Variants in ASB11 observed in about 807,000 individuals in gnomAD.
ASB11 encodes ankyrin repeat and SOCS box containing 11, also known as ankyrin repeat and SOCS box protein 11.
Under a neutral mutation model 20.1 loss-of-function variants are expected in ASB11, and 17 were observed. The observed-to-expected ratio is 0.85, with a 90% CI of 0.58 to 1.27. ASB11 has a LOEUF of 1.27. Ranked by LOEUF, ASB11 falls within the 50% of genes most tolerant of loss-of-function variation. The pLI is 0.00. For missense variants in ASB11, 259 were observed against 256.9 expected (o/e 1.01, Z -0.06); for synonymous variants, 107 against 105.6 (o/e 1.01, Z -0.08).
chrX:15,308,995 C>A (rs1241936861), intron 1 of ASB11, among the ~76,000 whole-genome samples: 2 of 111,587 alleles, frequency 1.8e-5, no homozygotes, highest in Admixed American at 9.5e-5. Flanking sequence ...CAGCTTACTG[C>A]AACCTCTGCC....
intron 1 of ASB11, among the ~76,000 whole-genome samples, chrX:15,305,923 C>T (rs1386754714): frequency 3.6e-5 from 4 of 111,033 alleles, no homozygotes; most frequent in African/African-American, 1.3e-4. Context: ...TCTCACTCCT[C>T]CTACCCTCCA....
chrX:15,301,269 C>T, intron 2 of ASB11, among the ~76,000 whole-genome samples: 1 of 111,832 alleles, frequency 8.9e-6, no homozygotes. Context: ...GGCCAGTCCA[C>T]CTTTTTAAAT....
intron 2 of ASB11, among the ~76,000 whole-genome samples, chrX:15,300,075 T>A (rs1174720060): frequency 8.9e-6 from 1 of 112,717 alleles, no homozygotes; most frequent in African/African-American, 3.2e-5. Context: ...TAATAAGAGT[T>A]AGAAAAAGTC....
intron 3 of ASB11, 98 bp downstream of exon 3, chrX:15,297,476 T>C: frequency 1.4e-6 from 1 of 710,989 alleles, no homozygotes. Context: ...GCCCAGCCCT[T>C]ACCCACAGTG....
Position 15,287,822 on chromosome X carries a change from G to A in ASB11, c.847+59C>T, listed in dbSNP as rs188147009. 8.1e-6 allele frequency: 9 copies of A among 1,112,171 alleles called. No individual in the cohort carries two copies. The Admixed American group carries it at 1.4e-4, about 17-fold the overall frequency. 91.7% of individuals were successfully genotyped at this position (1,112,171 alleles called of 1,213,427 possible). On this transcript the variant is annotated intron_variant, in intron 6 of 6. Transcript: ENST00000480796. ...AAAAAGGAAAAAATGCTACAGATGA[G>A]ACAGGAAGGGGAGAGAATGTGCTTA...
chrX:15,311,630 C>T (rs1395919281), intron 1 of ASB11, among the ~76,000 whole-genome samples: 1 of 111,261 alleles, frequency 9.0e-6, no homozygotes, highest in African/African-American at 3.3e-5. Flanking sequence ...TAGAATAGGA[C>T]TGATCTTTTA....
At chrX:15,315,299 C>T in intron 1 of ASB11, 126 bp downstream of exon 1, 1 of 574,534 alleles carries the variant, frequency 1.7e-6, no homozygotes, top group Non-Finnish European at 2.4e-6. Flanking sequence ...CTTTAAGTGA[C>T]AATTTTTCAA....
At chrX:15,302,694 T>C (rs1427755860) in intron 2 of ASB11, 34 bp downstream of exon 2, 1 of 1,144,497 alleles carries the variant, frequency 8.7e-7, no homozygotes, top group East Asian at 3.0e-5. Context: ...AATTATAGCA[T>C]AAGCATGAAG....
Position 15,283,508 on chromosome X carries a change from T to C in ASB11, c.969A>G (p.Gln323=), listed in dbSNP as rs758089252. 4 of 1,208,608 alleles carry C rather than the reference T, an allele frequency of 3.3e-6. No individual in the cohort carries two copies. Among genetic ancestry groups the C allele is most frequent in the South Asian group, 1.8e-5 (1 of 56,669 alleles). The change falls in exon 7 of 7, where the codon CAA becomes CAG. Residue 323 remains glutamine, a synonymous_variant. Transcript: ENST00000480796. ...PEPLERFLLY[Q] ...ATCTTCCCAGGAACACTTAGGACTA[T>C]TGGTATAGGAGGAATCGTTCGAGTG...
rs752652002 is a variant in ASB11 at position 15,283,590 on chromosome X, C to T, written c.887G>A (p.Arg296Gln). Residue 296 changes from arginine (R) to glutamine (Q), a missense_variant, in exon 7 of 7, where the codon CGG (arginine) becomes CAG (glutamine). Coordinates refer to ENST00000480796, the MANE Select transcript of ASB11 (RefSeq NM_080873.3). Reference sequence around the variant, plus strand: ...ATGACATGCTCGACCGAGACACTTCCGGACACACAGGCGGCAGAGCTGGGA... The same window carrying T: ...ATGACATGCTCGACCGAGACACTTCTGGACACACAGGCGGCAGAGCTGGGA... ...ALSQLCRLCV[R>Q]KCLGRACHQA... 1.3e-5 allele frequency: 16 copies of T among 1,207,223 alleles called. No individual in the cohort carries two copies. Among genetic ancestry groups the T allele is most frequent in the East Asian group, 8.9e-5 (3 of 33,710 alleles).
chrX:15,304,622 G>A (rs1569172923), intron 1 of ASB11, among the ~76,000 whole-genome samples: 1 of 112,478 alleles, frequency 8.9e-6, no homozygotes, highest in Non-Finnish European at 1.9e-5. Flanking sequence ...GCTCACGCCT[G>A]TAATCCCAGC....
chrX:15,284,217 A>G (rs1308196440), intron 6 of ASB11, among the ~76,000 whole-genome samples: 15 of 100,355 alleles, frequency 1.5e-4, no homozygotes, highest in African/African-American at 4.9e-4. Flanking sequence ...GGGCCACTGC[A>G]CTCCAGCCTG....
chrX:15,298,797 A>C (rs1159512669), intron 2 of ASB11, among the ~76,000 whole-genome samples: 1 of 111,921 alleles, frequency 8.9e-6, no homozygotes, highest in Non-Finnish European at 1.9e-5. Flanking sequence ...CAGGCTTAAG[A>C]GTAAGTAGAC....
chrX:15,299,002 C>T (rs1025668028), intron 2 of ASB11, among the ~76,000 whole-genome samples: 1 of 111,765 alleles, frequency 8.9e-6, no homozygotes. Flanking sequence ...TGTCCCCTTC[C>T]TTGTCCTGGA....
At chrX:15,303,359 CA>C (rs1291408497) in intron 1 of ASB11, among the ~76,000 whole-genome samples, 1 of 111,404 alleles carries the variant, frequency 9.0e-6, no homozygotes, top group African/African-American at 3.3e-5. Flanking sequence ...ATAAAAATCA[CA>C]AAAAAATCTC....
In ASB11 at chrX:15,315,504, G is replaced by T. The variant is rs142097387; in HGVS notation, c.102C>A (p.Leu34=). ...CTTTGACGATATAGAAATGGGTTAGGAGAGCCAAAAAAACTTTAATTAAAA... is the reference window on the plus strand; with the variant it reads ...CTTTGACGATATAGAAATGGGTTAGTAGAGCCAAAAAAACTTTAATTAAAA... ...FKLLIKVFLA[L]LTHFYIVKGN... is the part of the protein sequence containing the mutation. Residue 34 remains leucine, a synonymous_variant, in exon 1 of 7, where the codon CTC becomes CTA. Transcript: ENST00000480796. The T allele has an allele frequency of 3.0e-3, 3,556 of 1,191,289 alleles. 20 individuals carry two copies. The highest frequency in any genetic ancestry group is 2.5e-3 in the Non-Finnish European group (2,211 of 887,380).
At chrX:15,296,279 AC>A (rs1358177621) in intron 3 of ASB11, among the ~76,000 whole-genome samples, 49 of 110,191 alleles carry the variant, frequency 4.4e-4, no homozygotes, top group African/African-American at 1.6e-3. Flanking sequence ...AAAAAAAAAA[AC>A]AAAAAAAGAA....
intron 5 of ASB11, 79 bp downstream of exon 5, chrX:15,289,425 G>C: frequency 9.8e-7 from 1 of 1,018,274 alleles, no homozygotes; most frequent in Non-Finnish European, 1.3e-6. Context: ...TTTCAACCAT[G>C]ACAAGAACTT....
intron 6 of ASB11, among the ~76,000 whole-genome samples, chrX:15,286,355 C>G (rs935195508): frequency 1.8e-5 from 2 of 110,163 alleles, no homozygotes; most frequent in African/African-American, 6.6e-5. Flanking sequence ...AGGGTTGGGG[C>G]CTTATGACAT....
Sources: allele counts gnomAD v4.1 joint callset (sites outside exome capture counted in the v4.1 genomes callset), GRCh38; gene constraint gnomAD v4.1.1; transcripts MANE v1.5; gene names NCBI Gene and HGNC (gene_info 2026-07-23, HGNC 2026-07-21).